Variants in CACNA2D4 observed in about 807,000 individuals in gnomAD.
CACNA2D4 encodes voltage-dependent calcium channel subunit alpha-2/delta-4.
CACNA2D4 carries 157 observed loss-of-function variants against 163.8 expected under a neutral mutation model. That is an observed-to-expected ratio of 0.96 (90% CI 0.84 to 1.09). The LOEUF (loss-of-function observed/expected upper bound fraction) is 1.09, where lower values mean the gene tolerates loss of function less well. Ranked by LOEUF, CACNA2D4 falls within the 50% of genes least tolerant of loss-of-function variation. The pLI is 0.00. For missense variants in CACNA2D4, 1,410 were observed against 1,479.9 expected (o/e 0.95, Z 0.78); for synonymous variants, 598 against 586.9 (o/e 1.02, Z -0.27).
intron 18 of CACNA2D4, among the ~76,000 whole-genome samples, chr12:1,870,790 G>C (rs1186039066): frequency 6.6e-6 from 1 of 152,108 alleles, no homozygotes; most frequent in South Asian, 2.1e-4. Context: ...TCTGTTAACA[G>C]AAAGAGAGAG....
intron 20 of CACNA2D4, among the ~76,000 whole-genome samples, chr12:1,857,966 G>A (rs1329280465): frequency 1.1e-4 from 17 of 152,198 alleles, no homozygotes; most frequent in Non-Finnish European, 1.3e-4. Context: ...AAGGCCACGG[G>A]ATCAGGGAGC....
chr12:1,910,463 C>G (rs1592751627), intron 3 of CACNA2D4, among the ~76,000 whole-genome samples: 6 of 152,262 alleles, frequency 3.9e-5, no homozygotes, highest in Admixed American at 6.5e-5. Context: ...ATGTTGATAG[C>G]GGGGAAGGCT....
Position 1,883,158 on chromosome 12 carries a change from T to A in CACNA2D4, c.1352-158A>T, listed in dbSNP as rs1866047422. On this transcript the variant is annotated intron_variant, in intron 12 of 37. Transcript: ENST00000382722. This position sits in a 1 kb window ranked among gnomAD's most constrained non-coding sequence, Gnocchi z 4.5. ...AGCTGCTTCCCCACAGTTGTGTCCT[T>A]TACCCAGGGGCAGCCGCAGGCCAGT... 6.6e-6 allele frequency among the ~76,000 whole-genome samples: 1 copy of A among 152,150 alleles called. No individual in the cohort carries two copies. Among genetic ancestry groups the A allele is most frequent in the African/African-American group, 2.4e-5 (1 of 41,430 alleles).
chr12:1,856,788 C>T (rs75327924), intron 20 of CACNA2D4, among the ~76,000 whole-genome samples: 8,979 of 152,270 alleles, frequency 0.059, 365 homozygotes, highest in African/African-American at 0.12. Flanking sequence ...ACTGAAAGAA[C>T]GATGAGCTGA....
intron 30 of CACNA2D4, among the ~76,000 whole-genome samples, chr12:1,801,347 C>T (rs992970484): frequency 1.3e-5 from 2 of 152,174 alleles, no homozygotes; most frequent in Admixed American, 1.3e-4. Context: ...GACGGTTTTC[C>T]CTCTAGGGTC....
chr12:1,850,947 A>C (rs1865264872), intron 23 of CACNA2D4, among the ~76,000 whole-genome samples: 2 of 151,542 alleles, frequency 1.3e-5, no homozygotes, highest in Admixed American at 1.3e-4. Context: ...TGGTGACATG[A>C]CCATGCCTCA....
In CACNA2D4 at chr12:1,883,914, G is replaced by T. The variant is rs1196057402; in HGVS notation, c.1351+329C>A. ...AGTGAATTTTTGTTGAATCAATGGG[G>T]TCTGGTCAGAGATAGATGAGGACCA... On this transcript the variant is annotated intron_variant, in intron 12 of 37. Coordinates refer to ENST00000382722, the MANE Select transcript of CACNA2D4 (RefSeq NM_172364.5). This position sits in a 1 kb window ranked among gnomAD's most constrained non-coding sequence, Gnocchi z 4.5. The T allele has an allele frequency of 6.2e-6, 2 of 321,580 alleles. No individual in the cohort carries two copies. The highest frequency in any genetic ancestry group is 5.8e-6 in the Non-Finnish European group (1 of 173,640). 19.9% of individuals were successfully genotyped at this position (321,580 alleles called of 1,614,324 possible).
At chr12:1,849,650 G>A (rs1424644836) in intron 23 of CACNA2D4, among the ~76,000 whole-genome samples, 1 of 152,112 alleles carries the variant, frequency 6.6e-6, no homozygotes. Context: ...CCTATTCAGG[G>A]GAGTCTGTCT....
At chr12:1,898,874 A>G (rs1866471174) in intron 6 of CACNA2D4, among the ~76,000 whole-genome samples, 1 of 152,180 alleles carries the variant, frequency 6.6e-6, no homozygotes, top group Non-Finnish European at 1.5e-5. Flanking sequence ...TTGTACATAG[A>G]ATAGTTAAAT....
chr12:1,810,441 C>T, intron 28 of CACNA2D4, 101 bp from the exon 29 acceptor site: 1 of 1,524,316 alleles, frequency 6.6e-7, no homozygotes, highest in Non-Finnish European at 9.0e-7. Flanking sequence ...AGCTTCACTG[C>T]AGGGAAGGAG....
intron 6 of CACNA2D4, among the ~76,000 whole-genome samples, chr12:1,903,054 G>A (rs182511947): frequency 6.6e-6 from 1 of 152,060 alleles, no homozygotes; most frequent in East Asian, 1.9e-4. Context: ...GTGCAGAAAT[G>A]AATCCATACA....
At chr12:1,854,983 C>G (rs542590716) in intron 22 of CACNA2D4, among the ~76,000 whole-genome samples, 14 of 152,244 alleles carry the variant, frequency 9.2e-5, no homozygotes, top group Admixed American at 2.6e-4. Flanking sequence ...TTATCACCCC[C>G]CAAAGGAGAT....
chr12:1,794,443 C>T (rs2154444930), intron 37 of CACNA2D4, among the ~76,000 whole-genome samples: 1 of 152,324 alleles, frequency 6.6e-6, no homozygotes, highest in South Asian at 2.1e-4. Flanking sequence ...TGAGAGTTAG[C>T]ATTAGAGCTC....
rs532227739 is a variant in CACNA2D4, at chr12:1,793,910, C to A, written c.3310-151G>T. Among the ~76,000 whole-genome samples, 83 of 152,314 alleles carry A rather than the reference C, an allele frequency of 5.4e-4. 1 individual carries two copies. Among genetic ancestry groups the A allele is most frequent in the Middle Eastern group, 6.8e-3 (2 of 294 alleles). On this transcript the variant is annotated intron_variant, in intron 37 of 37. Coordinates refer to ENST00000382722, the MANE Select transcript of CACNA2D4 (RefSeq NM_172364.5). ...ACTGCTACCTCTCTTAGGCCCCTAC[C>A]TTTTGGGGGAAAAGCAAAGGCTGGC...
rs1373097791 is a variant in CACNA2D4, at chr12:1,856,126, T to A, written c.2055-17A>T. On this transcript the variant is annotated splice_polypyrimidine_tract_variant and intron_variant, in intron 21 of 37. Transcript: ENST00000382722. ...CAGTAGATCCTGAAACCCAGGAAAG[T>A]CAGTGTTATCTCAAAACATTCCACC... The A allele has an allele frequency of 6.2e-7, 1 of 1,613,728 alleles. No individual in the cohort carries two copies. Among genetic ancestry groups the A allele is most frequent in the Admixed American group, 1.7e-5 (1 of 60,024 alleles).
At chr12:1,872,098 A>G (rs1865799583) in intron 18 of CACNA2D4, among the ~76,000 whole-genome samples, 1 of 152,186 alleles carries the variant, frequency 6.6e-6, no homozygotes, top group South Asian at 2.1e-4. Flanking sequence ...CGCCAGCCAA[A>G]ACTGGGCTTC....
At chr12:1,795,516 G>T in intron 36 of CACNA2D4, 135 bp from the exon 37 acceptor site, 2 of 975,834 alleles carry the variant, frequency 2.0e-6, no homozygotes, top group Non-Finnish European at 1.6e-6. Flanking sequence ...GCAGCACCGG[G>T]GCCCAGGGAA....
At chr12:1,858,947 T>C (rs896113857) in intron 19 of CACNA2D4, among the ~76,000 whole-genome samples, 6 of 152,160 alleles carry the variant, frequency 3.9e-5, no homozygotes, top group African/African-American at 1.4e-4. Context: ...AGGCATCCCC[T>C]AAAATGTAGA....
intron 22 of CACNA2D4, among the ~76,000 whole-genome samples, chr12:1,855,240 G>T (rs1865374171): frequency 6.6e-6 from 1 of 152,146 alleles, no homozygotes; most frequent in African/African-American, 2.4e-5. Flanking sequence ...ACCTACCCCA[G>T]GGCCTGACAC....
Sources: allele counts gnomAD v4.1 joint callset (sites outside exome capture counted in the v4.1 genomes callset), GRCh38; gene constraint gnomAD v4.1.1; non-coding constraint Gnocchi (gnomAD v3.1); transcripts MANE v1.5; gene names NCBI Gene and HGNC (gene_info 2026-07-23, HGNC 2026-07-21).